NTM: variants seen among roughly 807,000 people sequenced by gnomAD.
NTM encodes the protein IgLON family member 2.
Under a neutral mutation model 42.1 loss-of-function variants are expected in NTM, and 13 were observed. The ratio of observed to expected loss-of-function variants is 0.31; its 90% CI spans 0.20 to 0.49. NTM has a LOEUF of 0.49. Among genes scored for constraint, NTM ranks in the 20% least tolerant of loss-of-function variants. The pLI is 0.99. For synonymous variants in NTM, 187 were observed against 179.2 expected, an observed-to-expected ratio of 1.04 and a Z score of -0.35; for missense variants, 373 against 452.8, an observed-to-expected ratio of 0.82 and a Z score of 1.60.
chr11:131,471,587 T>G (rs1473988808), intron 1 of NTM, among the ~76,000 whole-genome samples: 2 of 152,328 alleles, frequency 1.3e-5, no homozygotes, highest in East Asian at 1.9e-4. Flanking sequence ...ATATTAAAAC[T>G]TAGGGAATGA....
chr11:132,310,070 A>AG (rs2140210604), intron 5 of NTM, 42 bp from the exon 6 acceptor site: 1 of 1,532,224 alleles, frequency 6.5e-7, no homozygotes, highest in East Asian at 2.3e-5. Context: ...AAAAAAAAAA[A>AG]AAAAGGTGGG....
chr11:131,457,496 T>C (rs556116610), intron 1 of NTM, among the ~76,000 whole-genome samples: 3 of 152,232 alleles, frequency 2.0e-5, no homozygotes, highest in African/African-American at 7.2e-5. Flanking sequence ...CTGAGGAAGA[T>C]GGGAAGCCAC....
chr11:131,943,162 G>A (rs2059990104), intron 2 of NTM, among the ~76,000 whole-genome samples: 1 of 152,126 alleles, frequency 6.6e-6, no homozygotes, highest in African/African-American at 2.4e-5. Flanking sequence ...ACTTGGTGTT[G>A]AGTTGCTTAT....
At chr11:131,670,842 A>G (rs2070070518) in intron 1 of NTM, among the ~76,000 whole-genome samples, 1 of 152,080 alleles carries the variant, frequency 6.6e-6, no homozygotes, top group Non-Finnish European at 1.5e-5. Flanking sequence ...TGGCTGTGTG[A>G]TCAGAGCCAG....
chr11:131,793,259 T>C (rs2091173881), intron 1 of NTM, among the ~76,000 whole-genome samples: 1 of 152,212 alleles, frequency 6.6e-6, no homozygotes, highest in Admixed American at 6.5e-5. Context: ...GTTTTTTTCA[T>C]TGTTACTATT....
chr11:132,095,164 T>C (rs897538125), intron 2 of NTM, among the ~76,000 whole-genome samples: 1 of 152,186 alleles, frequency 6.6e-6, no homozygotes, highest in Non-Finnish European at 1.5e-5. Flanking sequence ...AGTGGGTACA[T>C]TGAAGGCAGC....
chr11:131,749,514 TG>T, intron 1 of NTM, among the ~76,000 whole-genome samples: 1 of 152,228 alleles, frequency 6.6e-6, no homozygotes, highest in East Asian at 1.9e-4. Flanking sequence ...ACTTGTTAGG[TG>T]GTCCCTACCT....
chr11:132,049,639 C>G (rs1194226068), intron 2 of NTM, among the ~76,000 whole-genome samples: 1 of 152,192 alleles, frequency 6.6e-6, no homozygotes, highest in Non-Finnish European at 1.5e-5. Flanking sequence ...TCACCCTCAC[C>G]TGGGACCAGG....
chr11:131,380,289 C>G (rs893896495), intron 1 of NTM, among the ~76,000 whole-genome samples: 25 of 150,862 alleles, frequency 1.7e-4, no homozygotes, highest in Non-Finnish European at 2.8e-4. Context: ...CTCACCTCAA[C>G]CTCCGCCTCC....
chr11:131,909,459 T>TAAC (rs56358928), intron 1 of NTM, among the ~76,000 whole-genome samples: 13 of 152,066 alleles, frequency 8.5e-5, no homozygotes, highest in East Asian at 3.8e-4. Context: ...TAACAGTTGT[T>TAAC]AACAACAACA....
chr11:131,916,960 G>C (rs1461536133), intron 2 of NTM, among the ~76,000 whole-genome samples: 1 of 152,144 alleles, frequency 6.6e-6, no homozygotes, highest in Non-Finnish European at 1.5e-5. Flanking sequence ...AGCTCACAGA[G>C]AATTCCCTCC....
intron 2 of NTM, among the ~76,000 whole-genome samples, chr11:132,145,429 G>C (rs2070170338): frequency 6.6e-6 from 1 of 152,148 alleles, no homozygotes; most frequent in Non-Finnish European, 1.5e-5. Context: ...TAAGGCCATG[G>C]AACAGACTTG....
chr11:132,301,450 A>G (rs936747215), intron 4 of NTM, among the ~76,000 whole-genome samples: 1 of 152,172 alleles, frequency 6.6e-6, no homozygotes, highest in South Asian at 2.1e-4. Context: ...GGCCAAGCCC[A>G]CTTTCTTCAT....
chr11:132,158,519 C>G (rs1034056446), intron 3 of NTM, among the ~76,000 whole-genome samples: 1 of 152,224 alleles, frequency 6.6e-6, no homozygotes, highest in African/African-American at 2.4e-5. Flanking sequence ...TTCAACCCCT[C>G]TAGAACATGT....
In NTM at chr11:131,424,263, T is replaced by C. The variant is rs377077832; in HGVS notation, c.82+53375T>C. Among the ~76,000 whole-genome samples the C allele has an allele frequency of 6.6e-5, 10 of 152,196 alleles. No homozygotes were observed. In the East Asian group the frequency reaches 1.2e-3, roughly 18 times the overall value. ...AAGAAAATAGCAGATGGGAAATCAA[T>C]TGGATCCCTATGTCCTGCTAAGGTA... On this transcript the variant is annotated intron_variant, in intron 1 of 8. Coordinates refer to ENST00000683400, the MANE Select transcript of NTM (RefSeq NM_001352005.2).
At chr11:131,870,026 G>A (rs918781782) in intron 1 of NTM, among the ~76,000 whole-genome samples, 1 of 152,208 alleles carries the variant, frequency 6.6e-6, no homozygotes, top group Non-Finnish European at 1.5e-5. Context: ...ACAGACACAG[G>A]AAGTTTAAGT....
At chr11:131,398,040 A>G (rs1453126860) in intron 1 of NTM, among the ~76,000 whole-genome samples, 3 of 152,226 alleles carry the variant, frequency 2.0e-5, no homozygotes, top group Non-Finnish European at 4.4e-5. Context: ...AAGAGCTCTA[A>G]TAGCAACTGA....
intron 7 of NTM, among the ~76,000 whole-genome samples, chr11:132,324,780 C>T (rs2095644602): frequency 6.7e-6 from 1 of 148,408 alleles, no homozygotes; most frequent in Admixed American, 6.7e-5. Context: ...TACTACAAGG[C>T]TACAGTAACC....
intron 5 of NTM, among the ~76,000 whole-genome samples, chr11:132,308,841 A>C (rs2095187108): frequency 6.6e-6 from 1 of 152,216 alleles, no homozygotes; most frequent in African/African-American, 2.4e-5. Context: ...ACAGTTTATA[A>C]AGATGAACTT....
Sources: gnomAD v4.1 joint callset for allele counts (sites outside exome capture counted in the v4.1 genomes callset) on GRCh38, gnomAD v4.1.1 for gene constraint, MANE v1.5 for transcripts, NCBI Gene and HGNC (gene_info 2026-07-23, HGNC 2026-07-21) for gene names.